The following CTNNA3 variants were observed in gnomAD, a reference collection of about 807,000 sequenced individuals.
CTNNA3 encodes the protein catenin alpha-3.
In CTNNA3, 76 loss-of-function variants were observed where a neutral mutation model predicts 95.7. The observed-to-expected ratio is 0.79, with a 90% confidence interval of 0.66 to 0.96. The LOEUF is 0.96. Ranked by LOEUF, CTNNA3 falls within the 40% of genes least tolerant of loss-of-function variation. The probability of loss-of-function intolerance (pLI) is 0.00; values close to 1 mark genes in which losing one functional copy is unlikely to be tolerated. For missense variants in CTNNA3, 1,191 were observed against 1,089.8 expected (o/e 1.09, Z -1.31); for synonymous variants, 431 against 374.4 (o/e 1.15, Z -1.74).
At chr10:66,506,348 T>C (rs796741848) in intron 11 of CTNNA3, among the ~76,000 whole-genome samples, 6 of 152,268 alleles carry the variant, frequency 3.9e-5, no homozygotes, top group African/African-American at 7.2e-5. Flanking sequence ...AAGCCATCTG[T>C]TGACTTTTTA....
At chr10:67,371,286 T>C (rs1311617387) in intron 5 of CTNNA3, among the ~76,000 whole-genome samples, 1 of 152,038 alleles carries the variant, frequency 6.6e-6, no homozygotes, top group Non-Finnish European at 1.5e-5. Context: ...ATGTGCAGGT[T>C]TGTTACATAT....
chr10:66,905,794 T>A (rs1845964143), intron 7 of CTNNA3, among the ~76,000 whole-genome samples: 1 of 152,142 alleles, frequency 6.6e-6, no homozygotes, highest in Non-Finnish European at 1.5e-5. Context: ...AATAGTCAAA[T>A]TCACAGAGAG....
chr10:65,979,633 C>T (rs1456427710), intron 16 of CTNNA3, among the ~76,000 whole-genome samples: 3 of 152,012 alleles, frequency 2.0e-5, no homozygotes, highest in Admixed American at 1.3e-4. Context: ...TCCACCTAGA[C>T]CCTAAAACAC....
At chr10:66,087,971 T>C (rs2081053607) in intron 14 of CTNNA3, among the ~76,000 whole-genome samples, 1 of 152,064 alleles carries the variant, frequency 6.6e-6, no homozygotes, top group Admixed American at 6.6e-5. Flanking sequence ...TCATTAAATA[T>C]TCAGTAAGAG....
intron 10 of CTNNA3, among the ~76,000 whole-genome samples, chr10:66,590,286 C>T (rs1843504994): frequency 6.6e-6 from 1 of 152,096 alleles, no homozygotes; most frequent in Admixed American, 6.6e-5. Context: ...AAAGCCACAT[C>T]ATTAATTAGT....
intron 5 of CTNNA3, among the ~76,000 whole-genome samples, chr10:67,476,780 T>C (rs1033016864): frequency 6.6e-6 from 1 of 150,554 alleles, no homozygotes; most frequent in Admixed American, 6.6e-5. Flanking sequence ...TCCATACCCC[T>C]GCATATCTCC....
intron 9 of CTNNA3, among the ~76,000 whole-genome samples, chr10:66,741,029 C>A (rs1180399773): frequency 1.3e-5 from 2 of 152,164 alleles, no homozygotes; most frequent in Non-Finnish European, 2.9e-5. Flanking sequence ...TTTAAACAAC[C>A]ATTCCAAATA....
At chr10:66,574,491 T>C (rs564132010) in intron 10 of CTNNA3, among the ~76,000 whole-genome samples, 1 of 152,178 alleles carries the variant, frequency 6.6e-6, no homozygotes, top group Non-Finnish European at 1.5e-5. Flanking sequence ...AAGAAAAAAC[T>C]AGGAAATAAC....
At chr10:66,182,853 C>T (rs1053590120) in intron 13 of CTNNA3, among the ~76,000 whole-genome samples, 1 of 152,080 alleles carries the variant, frequency 6.6e-6, no homozygotes, top group Non-Finnish European at 1.5e-5. Flanking sequence ...TTATTTATTA[C>T]TTACTCTATT....
At chr10:67,066,448 C>T (rs2131833679) in intron 7 of CTNNA3, among the ~76,000 whole-genome samples, 1 of 151,734 alleles carries the variant, frequency 6.6e-6, no homozygotes, top group Non-Finnish European at 1.5e-5. Context: ...GCCTTGGCCT[C>T]CCAAAGTGCT....
intron 17 of CTNNA3, among the ~76,000 whole-genome samples, chr10:65,936,153 G>T (rs971498172): frequency 3.3e-5 from 5 of 152,030 alleles, no homozygotes; most frequent in Admixed American, 6.6e-5. Context: ...GTTTACAATT[G>T]GACTTAGAAG....
intron 10 of CTNNA3, among the ~76,000 whole-genome samples, chr10:66,615,749 T>C (rs538649660): frequency 2.6e-5 from 4 of 152,106 alleles, no homozygotes; most frequent in Admixed American, 2.6e-4. Context: ...AATGCTTTCA[T>C]AGATCCAGGT....
intron 11 of CTNNA3, among the ~76,000 whole-genome samples, chr10:66,386,686 A>T (rs528717962): frequency 1.9e-3 from 283 of 152,308 alleles, no homozygotes; most frequent in Non-Finnish European, 3.5e-3. Flanking sequence ...ATGCTACTTG[A>T]CTTCAAACTA....
chr10:67,422,608 C>T (rs902735890), intron 5 of CTNNA3, among the ~76,000 whole-genome samples: 4 of 152,058 alleles, frequency 2.6e-5, no homozygotes, highest in Admixed American at 2.6e-4. Flanking sequence ...TGGATTTCCC[C>T]CTTGCTGTTC....
intron 9 of CTNNA3, among the ~76,000 whole-genome samples, chr10:66,710,106 C>T (rs1315050939): frequency 6.6e-6 from 1 of 152,100 alleles, no homozygotes; most frequent in Non-Finnish European, 1.5e-5. Flanking sequence ...CAAACACTCT[C>T]ATAAACAGAT....
chr10:67,003,275 T>C (rs749625323), intron 7 of CTNNA3, among the ~76,000 whole-genome samples: 14 of 152,198 alleles, frequency 9.2e-5, no homozygotes, highest in Non-Finnish European at 1.8e-4. Flanking sequence ...CTGACCATTT[T>C]GGCCAATCTC....
At chr10:67,238,682 T>G (rs906905128) in intron 5 of CTNNA3, among the ~76,000 whole-genome samples, 4 of 152,118 alleles carry the variant, frequency 2.6e-5, no homozygotes, top group Non-Finnish European at 5.9e-5. Flanking sequence ...TAAAAACATC[T>G]GTAAATCATG....
chr10:67,760,924 T>A (rs1405101321), intron 1 of CTNNA3, among the ~76,000 whole-genome samples: 1 of 152,188 alleles, frequency 6.6e-6, no homozygotes, highest in Non-Finnish European at 1.5e-5. Context: ...TTTCATTATA[T>A]ATTACAATGT....
Position 67,566,041 on chromosome 10 carries a change from GTGTATATATATATA to G in CTNNA3, c.293-26386_293-26373del, listed in dbSNP as rs1490642258. Among the ~76,000 whole-genome samples, 8 of 29,434 alleles carry G rather than the reference GTGTATATATATATA, an allele frequency of 2.7e-4. 1 individual carries two copies. The highest frequency in any genetic ancestry group is 8.2e-4 in the African/African-American group (6 of 7,346). 19.3% of individuals were successfully genotyped at this position (29,434 alleles called of 152,430 possible). On this transcript the variant is annotated intron_variant, in intron 3 of 17. Coordinates refer to ENST00000433211, the MANE Select transcript of CTNNA3 (RefSeq NM_013266.4). ...AACACACACACACACATATGTGTGT[GTGTATATATATATA>G]TATATATATATATATATACAAAACC...
Sources: gnomAD v4.1 joint callset for allele counts (sites outside exome capture counted in the v4.1 genomes callset) on GRCh38, gnomAD v4.1.1 for gene constraint, MANE v1.5 for transcripts, NCBI Gene and HGNC (gene_info 2026-07-23, HGNC 2026-07-21) for gene names.